The following ZBTB20 variants were observed in gnomAD, a reference collection of about 807,000 sequenced individuals.
ZBTB20 encodes the protein zinc finger and BTB domain-containing protein 20.
ZBTB20 carries 9 observed loss-of-function variants against 56.9 expected under a neutral mutation model. The ratio of observed to expected loss-of-function variants is 0.16; its 90% CI spans 0.10 to 0.28. The LOEUF (loss-of-function observed/expected upper bound fraction) is 0.28. Among genes scored for constraint, ZBTB20 ranks in the 10% least tolerant of loss-of-function variants. The pLI is 1.00. For missense variants in ZBTB20, 655 were observed against 1,003.0 expected (o/e 0.65, Z 4.69); for synonymous variants, 417 against 420.7 (o/e 0.99, Z 0.11).
intron 5 of ZBTB20, among the ~76,000 whole-genome samples, chr3:114,787,377 A>ACACACACACACACAC (rs1553821574): frequency 0.022 from 3,112 of 140,532 alleles, 75 homozygotes; most frequent in Middle Eastern, 0.05. Flanking sequence ...ATACACACAC[A>ACACACACACACACAC]CACACACACA....
intron 4 of ZBTB20, among the ~76,000 whole-genome samples, chr3:114,837,603 C>A (rs754427001): frequency 6.6e-6 from 1 of 152,106 alleles, no homozygotes; most frequent in Non-Finnish European, 1.5e-5. Context: ...CACAGGGCTA[C>A]TTCATGACTT....
At chr3:114,801,995 C>G (rs1019455316) in intron 4 of ZBTB20, among the ~76,000 whole-genome samples, 1 of 151,616 alleles carries the variant, frequency 6.6e-6, no homozygotes, top group Non-Finnish European at 1.5e-5. Flanking sequence ...TTTTTTGAAT[C>G]ATTTCTTTCT....
At chr3:115,026,548 T>C (rs1038552358) in intron 2 of ZBTB20, among the ~76,000 whole-genome samples, 1 of 150,814 alleles carries the variant, frequency 6.6e-6, no homozygotes, top group African/African-American at 2.4e-5. Flanking sequence ...CCACTATCAT[T>C]AGCCTTCTAC....
intron 5 of ZBTB20, among the ~76,000 whole-genome samples, chr3:114,783,287 T>G (rs920560491): frequency 6.6e-6 from 1 of 152,258 alleles, no homozygotes; most frequent in Non-Finnish European, 1.5e-5. Flanking sequence ...TGGTGGTTTT[T>G]ATTGACCTTG....
intron 7 of ZBTB20, among the ~76,000 whole-genome samples, chr3:114,411,001 A>C (rs1015831848): frequency 6.6e-6 from 1 of 152,178 alleles, no homozygotes; most frequent in Non-Finnish European, 1.5e-5. Context: ...AGTTTGGATG[A>C]TAACAAGCTC....
chr3:114,900,443 T>C (rs1301262095), intron 3 of ZBTB20, 101 bp from the exon 4 acceptor site: 3 of 151,810 alleles, frequency 2.0e-5, no homozygotes, highest in Non-Finnish European at 4.4e-5. Context: ...AAAGTTTCAG[T>C]GCATAAAGAG....
rs563382530 is a variant in ZBTB20, at chr3:115,036,332, G to A, written c.-507+34887C>T. 5.3e-5 allele frequency among the ~76,000 whole-genome samples: 8 copies of A among 150,850 alleles called. No individual in the cohort carries two copies. The East Asian group carries it at 7.8e-4, about 15-fold the overall frequency. On this transcript the variant is annotated intron_variant, in intron 2 of 11. Transcript: ENST00000675478. ...TTTTTTTTTTCCGAGACGGAGTCTC[G>A]CTCTGTCGCCAGGCTGAAGTGTAGT... is the stretch of plus-strand genomic sequence containing the variant.
Position 114,334,580 on chromosome 3 carries a change from A to C in ZBTB20, c.*4425T>G, listed in dbSNP as rs2079385047. The C allele has an allele frequency of 6.6e-6, 1 of 152,224 alleles. No individual in the cohort carries two copies. Among genetic ancestry groups the C allele is most frequent in the African/African-American group, 2.4e-5 (1 of 41,456 alleles). The allele number at this position is 152,224 out of a possible 1,614,324, so 9.4% of individuals were successfully genotyped here. A position where few individuals can be genotyped will look rare whatever the true frequency, so the allele number is the denominator to read the frequency against. ...ACAAATTCTTACTGTTCATGGGTTG[A>C]AAAAGAGTATTTGGGACCTTATAGA... On this transcript the variant is annotated 3_prime_UTR_variant, in exon 12 of 12. Coordinates refer to ENST00000675478, the MANE Select transcript of ZBTB20 (RefSeq NM_001348800.3).
rs2079556203 is a variant in ZBTB20 at position 114,338,873 on chromosome 3, C to T, written c.*132G>A. ...GTTCTTCATGTAGTACAAAATGAAACGAAACAAAAACAAAAACAGAAAGTA... is the reference window on the plus strand; with the variant it reads ...GTTCTTCATGTAGTACAAAATGAAATGAAACAAAAACAAAAACAGAAAGTA... On this transcript the variant is annotated 3_prime_UTR_variant, in exon 12 of 12. Transcript: ENST00000675478. The T allele has an allele frequency of 3.5e-6, 4 of 1,130,218 alleles. No individual in the cohort carries two copies. The highest frequency in any genetic ancestry group is 2.4e-6 in the Non-Finnish European group (2 of 829,072). The allele number at this position is 1,130,218 out of a possible 1,614,324, so 70.0% of individuals were successfully genotyped here. A position where few individuals can be genotyped will look rare whatever the true frequency, so the allele number is the denominator to read the frequency against.
intron 3 of ZBTB20, among the ~76,000 whole-genome samples, chr3:114,972,027 T>C (rs2077903737): frequency 6.6e-6 from 1 of 152,216 alleles, no homozygotes; most frequent in Admixed American, 6.5e-5. Context: ...ATGTTTTCCC[T>C]TGGGATTGGC....
chr3:114,351,155 G>C lies in ZBTB20; in HGVS notation c.923C>G (p.Thr308Ser), dbSNP rs758482742. 5 of 1,603,612 alleles carry C rather than the reference G, an allele frequency of 3.1e-6. No homozygotes were observed. Among genetic ancestry groups the C allele is most frequent in the Non-Finnish European group, 4.2e-6 (5 of 1,179,794 alleles). ...MERYLSTTPE[T>S]THCRKQPRPV... Reference sequence around the variant, plus strand: ...CCGGGGCTGCTTGCGGCAGTGCGTGGTCTCGGGGGTGGTGGACAGGTAGCG... The same window carrying C: ...CCGGGGCTGCTTGCGGCAGTGCGTGCTCTCGGGGGTGGTGGACAGGTAGCG... Residue 308 changes from threonine to serine, a missense_variant, in exon 11 of 12, where the codon ACC becomes AGC. By Grantham distance (58) the Thr-to-Ser change is moderately conservative. This residue lies in a region of ZBTB20 where 167 missense variants were observed against 281.9 expected (regional missense o/e 0.59). Transcript: ENST00000675478.
intron 4 of ZBTB20, among the ~76,000 whole-genome samples, chr3:114,851,684 T>G (rs2075008573): frequency 6.6e-6 from 1 of 152,158 alleles, no homozygotes; most frequent in African/African-American, 2.4e-5. Flanking sequence ...ACTTTATTTT[T>G]TTAATCAATT....
Position 115,106,531 on chromosome 3 carries a change from C to A in ZBTB20, c.-702-35117G>T, listed in dbSNP as rs1384873504. 5.3e-5 allele frequency among the ~76,000 whole-genome samples: 8 copies of A among 152,186 alleles called. No individual in the cohort carries two copies. In the South Asian group the frequency reaches 1.0e-3, roughly 20 times the overall value. On this transcript the variant is annotated intron_variant, in intron 1 of 11. Coordinates refer to ENST00000675478, the MANE Select transcript of ZBTB20 (RefSeq NM_001348800.3). ...TACAAGCATGAGCCACTGTGCCCGG[C>A]CAATTAGGCAATAATTCTTAACCCT...
intron 6 of ZBTB20, among the ~76,000 whole-genome samples, chr3:114,648,924 A>G (rs886503931): frequency 2.0e-5 from 3 of 152,076 alleles, no homozygotes; most frequent in African/African-American, 7.2e-5. Flanking sequence ...CCCAGAAATT[A>G]AATATTTAAA....
intron 1 of ZBTB20, among the ~76,000 whole-genome samples, chr3:115,093,410 G>A (rs921577552): frequency 2.0e-5 from 3 of 152,064 alleles, no homozygotes; most frequent in African/African-American, 4.8e-5. Flanking sequence ...TTTAGAAAGC[G>A]AAAAAGCAAG....
intron 1 of ZBTB20, among the ~76,000 whole-genome samples, chr3:115,132,087 C>T (rs1365436335): frequency 6.6e-6 from 1 of 152,064 alleles, no homozygotes; most frequent in Non-Finnish European, 1.5e-5. Flanking sequence ...AAAAAAATCT[C>T]CCAAGATTCT....
chr3:114,381,140 A>C lies in ZBTB20; in HGVS notation c.-153-200T>G, dbSNP rs74369821. On this transcript the variant is annotated intron_variant, in intron 8 of 11. Transcript: ENST00000675478. ...GATGGGAGGTTTCTGTTAGAGTAGC[A>C]AGTGAAAAGTGAAAAGAAGAGCTTA... Among the ~76,000 whole-genome samples, 49 of 152,306 alleles carry C rather than the reference A, an allele frequency of 3.2e-4. No individual in the cohort carries two copies. In the East Asian group the frequency reaches 9.3e-3, roughly 29 times the overall value.
chr3:114,821,321 A>G (rs1009121627), intron 4 of ZBTB20, among the ~76,000 whole-genome samples: 12 of 152,114 alleles, frequency 7.9e-5, no homozygotes, highest in Non-Finnish European at 1.3e-4. Flanking sequence ...AGACATGTGC[A>G]CCATATCAGG....
intron 5 of ZBTB20, among the ~76,000 whole-genome samples, chr3:114,739,933 GT>G (rs990008383): frequency 5.3e-5 from 8 of 152,128 alleles, no homozygotes; most frequent in Non-Finnish European, 2.9e-5. Context: ...TGTACACATG[GT>G]GTTTATCTTT....
Sources: gnomAD v4.1 joint callset for allele counts (sites outside exome capture counted in the v4.1 genomes callset) on GRCh38, gnomAD v4.1.1 for gene constraint, gnomAD v4.1.1 regional missense constraint, MANE v1.5 for transcripts, NCBI Gene and HGNC (gene_info 2026-07-23, HGNC 2026-07-21) for gene names.